The following ENKUR variants were observed in gnomAD, a reference collection of about 807,000 sequenced individuals.
ENKUR encodes the protein enkurin, TRPC channel interacting protein.
In ENKUR, 19 loss-of-function variants were observed where a neutral mutation model predicts 27.6. The ratio of observed to expected loss-of-function variants is 0.69; its 90% CI spans 0.48 to 1.01. The LOEUF (loss-of-function observed/expected upper bound fraction) is 1.01. Ranked by LOEUF, ENKUR falls within the 50% of genes least tolerant of loss-of-function variation. The probability of loss-of-function intolerance (pLI) is 0.00; values close to 1 mark genes in which losing one functional copy is unlikely to be tolerated. For missense variants in ENKUR, 312 were observed against 310.5 expected, an observed-to-expected ratio of 1.00 and a Z score of -0.04; for synonymous variants, 117 against 96.9, an observed-to-expected ratio of 1.21 and a Z score of -1.22.
At chr10:24,991,282 CT>C (rs770988904) in intron 3 of ENKUR, among the ~76,000 whole-genome samples, 3 of 151,940 alleles carry the variant, frequency 2.0e-5, no homozygotes, top group Admixed American at 6.6e-5. Flanking sequence ...TACCTTCTAC[CT>C]TCTACATGCT....
intron 2 of ENKUR, among the ~76,000 whole-genome samples, chr10:25,054,252 C>A (rs1236451505): frequency 2.0e-5 from 3 of 150,914 alleles, no homozygotes; most frequent in Admixed American, 1.3e-4. Flanking sequence ...AAAACCCCAT[C>A]TCTACTAAAA....
intron 2 of ENKUR, among the ~76,000 whole-genome samples, chr10:25,044,305 G>T (rs1458073024): frequency 3.3e-5 from 5 of 152,174 alleles, no homozygotes; most frequent in African/African-American, 1.2e-4. Flanking sequence ...GTATATTTCA[G>T]TTTTTCTCTG....
At chr10:24,989,046 C>T (rs1445700391) in intron 4 of ENKUR, among the ~76,000 whole-genome samples, 1 of 152,046 alleles carries the variant, frequency 6.6e-6, no homozygotes, top group African/African-American at 2.4e-5. Flanking sequence ...CTGCTTATCT[C>T]CTACAGCCAA....
chr10:25,002,252 T>C (rs917145713), intron 1 of ENKUR, among the ~76,000 whole-genome samples: 1 of 152,240 alleles, frequency 6.6e-6, no homozygotes, highest in Admixed American at 6.5e-5. Flanking sequence ...TACTTGGCCT[T>C]GGTTGTTTCA....
chr10:25,020,300 A>G (rs1002917087), upstream of ENKUR, among the ~76,000 whole-genome samples: 1 of 144,208 alleles, frequency 6.9e-6, no homozygotes, highest in African/African-American at 2.5e-5. Context: ...CAAAGTCTTG[A>G]AAAAGGGAAG....
intron 2 of ENKUR, chr10:25,024,868 T>A: frequency 6.2e-7 from 1 of 1,614,066 alleles, no homozygotes; most frequent in Non-Finnish European, 8.5e-7. Context: ...AACAGGACAT[T>A]ATGATCTAAG....
intron 5 of ENKUR, 50 bp downstream of exon 5, chr10:24,984,686 G>GT (rs751870867): frequency 1.1e-5 from 17 of 1,502,528 alleles, no homozygotes; most frequent in Admixed American, 4.7e-5. Context: ...TATTTTCCAT[G>GT]TTTTTTTCCC....
intron 1 of ENKUR, 111 bp downstream of exon 1, chr10:25,015,749 A>T: frequency 9.9e-7 from 1 of 1,014,796 alleles, no homozygotes; most frequent in Non-Finnish European, 1.3e-6. Flanking sequence ...TACTTCATCG[A>T]GGCAAAAATA....
intron 2 of ENKUR, among the ~76,000 whole-genome samples, chr10:25,039,139 A>G (rs1588681630): frequency 6.6e-6 from 1 of 152,368 alleles, no homozygotes; most frequent in Admixed American, 6.5e-5. Flanking sequence ...TTTAAGTGTC[A>G]GAATGACAAA....
intron 1 of ENKUR, among the ~76,000 whole-genome samples, chr10:25,001,625 C>A (rs1482962793): frequency 3.3e-5 from 5 of 151,918 alleles, no homozygotes; most frequent in African/African-American, 1.2e-4. Context: ...TCTAAATTTT[C>A]TTTTTCAGTG....
intron 1 of ENKUR, 97 bp from the exon 2 acceptor site, chr10:24,999,643 A>G: frequency 8.8e-7 from 1 of 1,130,926 alleles, no homozygotes; most frequent in Non-Finnish European, 1.3e-6. Flanking sequence ...AATTTATTTA[A>G]GTCTATATTC....
Position 24,999,400 on chromosome 10 carries a change from C to T in ENKUR, c.223+1G>A. On this transcript the variant is annotated splice_donor_variant, in intron 2 of 5. Transcript: ENST00000331161. LOFTEE classifies it high-confidence loss of function. ...TAAAAATAAAGCATGATAAAACCTA[C>T]TGGGTGGTAGAGTTTTTTCCTTTGA... 1 of 1,600,018 alleles carries T rather than the reference C, an allele frequency of 6.2e-7. No homozygotes were observed. The highest frequency in any genetic ancestry group is 2.2e-5 in the East Asian group (1 of 44,710).
At chr10:25,023,067 T>C in intron 2 of ENKUR, 1 of 709,998 alleles carries the variant, frequency 1.4e-6, no homozygotes, top group Non-Finnish European at 2.3e-6. Flanking sequence ...AAACAGTTTA[T>C]GTACCATGGG....
chr10:25,041,300 A>G (rs1851061881), intron 2 of ENKUR, among the ~76,000 whole-genome samples: 1 of 151,900 alleles, frequency 6.6e-6, no homozygotes, highest in South Asian at 2.1e-4. Flanking sequence ...TTTTTTTCCT[A>G]GCTGTTTTCA....
chr10:25,000,826 A>G (rs1168889890), intron 1 of ENKUR, among the ~76,000 whole-genome samples: 2 of 151,992 alleles, frequency 1.3e-5, no homozygotes, highest in African/African-American at 4.8e-5. Context: ...GTTTTTTTAC[A>G]TATCCCCTTG....
At chr10:24,995,955 T>G (rs1850044801) in intron 2 of ENKUR, 86 bp from the exon 3 acceptor site, 2 of 1,101,984 alleles carry the variant, frequency 1.8e-6, no homozygotes, top group Non-Finnish European at 2.6e-6. Flanking sequence ...ATTTCACCAC[T>G]TGTATATTGA....
rs532483229 is a variant in ENKUR, at chr10:25,007,425, T to C, written c.78-7879A>G. 5.3e-5 allele frequency among the ~76,000 whole-genome samples: 8 copies of C among 152,196 alleles called. No homozygotes were observed. The South Asian group carries it at 1.7e-3, about 32-fold the overall frequency. Reference sequence around the variant, plus strand: ...ATTATGTATAGGTTTCTTATTTATTTATTTATTTGTTTGTTTGTTTATTTA... The same window carrying C: ...ATTATGTATAGGTTTCTTATTTATTCATTTATTTGTTTGTTTGTTTATTTA... On this transcript the variant is annotated intron_variant, in intron 1 of 5. Coordinates refer to ENST00000331161, the MANE Select transcript of ENKUR (RefSeq NM_145010.4).
chr10:25,025,724 A>C, intron 2 of ENKUR: 1 of 373,684 alleles, frequency 2.7e-6, no homozygotes, highest in South Asian at 5.5e-5. Context: ...ATCAATTTCC[A>C]CTCCCACACC....
chr10:25,037,578 A>G (rs374352206), intron 2 of ENKUR, among the ~76,000 whole-genome samples: 7 of 152,314 alleles, frequency 4.6e-5, no homozygotes, highest in Admixed American at 1.3e-4. Flanking sequence ...TCAATTACTA[A>G]TGAAAGCATC....
Sources: allele counts gnomAD v4.1 joint callset (sites outside exome capture counted in the v4.1 genomes callset), GRCh38; gene constraint gnomAD v4.1.1; transcripts MANE v1.5; gene names NCBI Gene and HGNC (gene_info 2026-07-23, HGNC 2026-07-21).